Variants in GOPC observed in about 807,000 individuals in gnomAD.
GOPC encodes golgi associated PDZ and coiled-coil motif containing.
In GOPC, 32 loss-of-function variants were observed where a neutral mutation model predicts 51.2. The ratio of observed to expected loss-of-function variants is 0.63; its 90% CI spans 0.47 to 0.84. The LOEUF is 0.84. Among genes scored for constraint, GOPC ranks in the 40% least tolerant of loss-of-function variants. GOPC has a pLI of 0.00. For synonymous variants in GOPC, 190 were observed against 205.1 expected (o/e 0.93, Z 0.63); for missense variants, 441 against 555.5 (o/e 0.79, Z 2.07).
At position 117,563,371 on chromosome 6, in the gene GOPC, CT is replaced by C; in HGVS notation, c.1271del (p.Lys424ArgfsTer3). On this transcript the variant is annotated frameshift_variant, in exon 9 of 9. Coordinates refer to ENST00000368498, the MANE Select transcript of GOPC (RefSeq NM_020399.4). LOFTEE classifies it high-confidence loss of function. Reference protein sequence around the residue: ...EIKVLQGFNKKAVTDTHENGD... With the variant: ...EIKVLQGFNKXAVTDTHENGD... ...CATTTTCATGTGTGTCAGTTACTGC[CT>C]TCTTATTAAATCCTGAAAGAAAGGA... 1 of 1,613,104 alleles carries C rather than the reference CT, an allele frequency of 6.2e-7. No individual in the cohort carries two copies.
At chr6:117,567,084 T>A in intron 7 of GOPC, 50 bp from the exon 8 acceptor site, 1 of 1,394,662 alleles carries the variant, frequency 7.2e-7, no homozygotes, top group Non-Finnish European at 9.6e-7. Flanking sequence ...AATTGTAATT[T>A]AAAAAGGATT....
At chr6:117,581,790 T>C (rs1485748575) in intron 1 of GOPC, among the ~76,000 whole-genome samples, 1 of 152,218 alleles carries the variant, frequency 6.6e-6, no homozygotes, top group African/African-American at 2.4e-5. Flanking sequence ...ATTTGTGTTG[T>C]TTTGAATTTC....
intron 1 of GOPC, among the ~76,000 whole-genome samples, chr6:117,579,724 G>C (rs1297621700): frequency 6.6e-6 from 1 of 152,022 alleles, no homozygotes; most frequent in Non-Finnish European, 1.5e-5. Flanking sequence ...TGTGTCCCTT[G>C]TGTTTTTGGT....
chr6:117,582,616 A>G (rs1779976524), intron 1 of GOPC, among the ~76,000 whole-genome samples: 2 of 151,348 alleles, frequency 1.3e-5, no homozygotes, highest in Non-Finnish European at 1.5e-5. Flanking sequence ...GTAGCTGGAC[A>G]TCGGAGAGAG....
intron 8 of GOPC, among the ~76,000 whole-genome samples, chr6:117,563,685 G>A (rs1416578619): frequency 6.6e-6 from 1 of 150,866 alleles, no homozygotes; most frequent in Non-Finnish European, 1.5e-5. Flanking sequence ...TCGTACCACC[G>A]CACTCTAGCC....
At chr6:117,594,030 G>A (rs1397657747) in intron 1 of GOPC, among the ~76,000 whole-genome samples, 2 of 152,238 alleles carry the variant, frequency 1.3e-5, no homozygotes, top group Admixed American at 6.5e-5. Flanking sequence ...CATAGTCAGA[G>A]TGAACTATTC....
At chr6:117,584,754 G>A (rs1381073355) in intron 1 of GOPC, among the ~76,000 whole-genome samples, 1 of 151,992 alleles carries the variant, frequency 6.6e-6, no homozygotes, top group Non-Finnish European at 1.5e-5. Flanking sequence ...GGGGCCTGGT[G>A]AGAAGTGACT....
chr6:117,560,510 C>T lies in GOPC; in HGVS notation c.*2744G>A. ...ATCTTACACATGAATCACATGAAAC[C>T]TTTTTGTTTCTAAACATGAAAACAG... On this transcript the variant is annotated 3_prime_UTR_variant, in exon 9 of 9. Transcript: ENST00000368498. 1 of 194,458 alleles carries T rather than the reference C, an allele frequency of 5.1e-6. No homozygotes were observed. The highest frequency in any genetic ancestry group is 1.1e-5 in the Non-Finnish European group (1 of 93,004). The allele number at this position is 194,458 out of a possible 1,614,324, so 12.0% of individuals were successfully genotyped here.
At chr6:117,575,631 T>C (rs751299610) in intron 3 of GOPC, 2 of 568,574 alleles carry the variant, frequency 3.5e-6, no homozygotes, top group Non-Finnish European at 6.5e-6. Flanking sequence ...TAAAAGTGGC[T>C]TCAATGGATA....
At chr6:117,595,268 G>A (rs1780180553) in intron 1 of GOPC, among the ~76,000 whole-genome samples, 1 of 152,210 alleles carries the variant, frequency 6.6e-6, no homozygotes, top group Non-Finnish European at 1.5e-5. Flanking sequence ...ATCCTACATA[G>A]AAGGTGGCTT....
chr6:117,588,037 A>G (rs1780058779), intron 1 of GOPC, among the ~76,000 whole-genome samples: 1 of 151,516 alleles, frequency 6.6e-6, no homozygotes, highest in African/African-American at 2.4e-5. Context: ...GTCATTTTTA[A>G]ATTTTTTTGT....
intron 7 of GOPC, 50 bp from the exon 8 acceptor site, chr6:117,567,084 T>C: frequency 7.2e-7 from 1 of 1,394,664 alleles, no homozygotes; most frequent in East Asian, 2.4e-5. Flanking sequence ...AATTGTAATT[T>C]AAAAAGGATT....
rs139203694 is a variant in GOPC at position 117,561,418 on chromosome 6, T to C, written c.*1836A>G. On this transcript the variant is annotated 3_prime_UTR_variant, in exon 9 of 9. Transcript: ENST00000368498. ...CATCCCAGGCTGTGTTTTAAGAAGATAAGAATAACATGGTTTCATGTCACA... is the reference window on the plus strand; with the variant it reads ...CATCCCAGGCTGTGTTTTAAGAAGACAAGAATAACATGGTTTCATGTCACA... 1.9e-3 allele frequency: 435 copies of C among 224,094 alleles called. 5 individuals carry two copies. Among genetic ancestry groups the C allele is most frequent in the Non-Finnish European group, 1.6e-3 (182 of 112,226 alleles). 13.9% of individuals were successfully genotyped at this position (224,094 alleles called of 1,614,324 possible).
chr6:117,591,563 G>C (rs1780117219), intron 1 of GOPC, among the ~76,000 whole-genome samples: 1 of 152,204 alleles, frequency 6.6e-6, no homozygotes, highest in African/African-American at 2.4e-5. Flanking sequence ...AGACAATGAC[G>C]TAAGTGGAGT....
At chr6:117,589,732 C>T (rs1482385341) in intron 1 of GOPC, among the ~76,000 whole-genome samples, 5 of 152,040 alleles carry the variant, frequency 3.3e-5, no homozygotes, top group African/African-American at 9.7e-5. Flanking sequence ...AGTAATTTGC[C>T]GTAAACCTCA....
intron 1 of GOPC, among the ~76,000 whole-genome samples, chr6:117,580,973 T>C (rs1307965676): frequency 6.6e-6 from 1 of 152,116 alleles, no homozygotes; most frequent in African/African-American, 2.4e-5. Flanking sequence ...GTTTTGAGAA[T>C]AATGAAGCCA....
chr6:117,572,097 CCA>C (rs1779815273), intron 5 of GOPC, among the ~76,000 whole-genome samples: 1 of 152,118 alleles, frequency 6.6e-6, no homozygotes, highest in African/African-American at 2.4e-5. Context: ...CTTCTGAAAT[CCA>C]GAGTCATATG....
At chr6:117,582,112 C>T (rs1377519293) in intron 1 of GOPC, among the ~76,000 whole-genome samples, 2 of 151,610 alleles carry the variant, frequency 1.3e-5, no homozygotes, top group South Asian at 2.1e-4. Context: ...GGTTTAACTG[C>T]CTTTTCATAT....
intron 8 of GOPC, among the ~76,000 whole-genome samples, chr6:117,563,734 TAA>T: frequency 3.8e-5 from 5 of 131,204 alleles, no homozygotes; most frequent in East Asian, 2.2e-4. Flanking sequence ...TTAAAAAAAT[TAA>T]AAAAAAAAAA....
Sources: allele counts gnomAD v4.1 joint callset (sites outside exome capture counted in the v4.1 genomes callset), GRCh38; gene constraint gnomAD v4.1.1; transcripts MANE v1.5; gene names NCBI Gene and HGNC (gene_info 2026-07-23, HGNC 2026-07-21).